The following SYN2 variants were observed in gnomAD, a reference collection of about 807,000 sequenced individuals.
SYN2 encodes synapsin II.
A neutral mutation model predicts 50.9 loss-of-function variants in SYN2; 19 were observed. The observed-to-expected ratio is 0.37, with a 90% CI of 0.26 to 0.55. The LOEUF (loss-of-function observed/expected upper bound fraction) is 0.55, where lower values mean the gene tolerates loss of function less well. Ranked by LOEUF, SYN2 falls within the 20% of genes least tolerant of loss-of-function variation. SYN2 has a pLI of 0.81. For synonymous variants in SYN2, 255 were observed against 224.9 expected (o/e 1.13, Z -1.20); for missense variants, 587 against 576.4 (o/e 1.02, Z -0.19).
At chr3:12,040,043 A>T (rs1278754778) in intron 1 of SYN2, among the ~76,000 whole-genome samples, 3 of 152,186 alleles carry the variant, frequency 2.0e-5, no homozygotes, top group Non-Finnish European at 2.9e-5. Flanking sequence ...AAAGTATAGA[A>T]TGATTAAAGT....
chr3:12,097,259 G>C (rs1022952481), intron 1 of SYN2, among the ~76,000 whole-genome samples: 8 of 152,232 alleles, frequency 5.3e-5, no homozygotes, highest in Admixed American at 4.6e-4. Flanking sequence ...GCAAAGACTT[G>C]GAACCTTGGA....
chr3:12,042,508 G>C (rs1366865382), intron 1 of SYN2, among the ~76,000 whole-genome samples: 1 of 152,136 alleles, frequency 6.6e-6, no homozygotes, highest in Non-Finnish European at 1.5e-5. Context: ...GGAGCTCAAT[G>C]GAAAGGTAAT....
chr3:12,063,529 C>T (rs776368131), intron 1 of SYN2, among the ~76,000 whole-genome samples: 5 of 151,856 alleles, frequency 3.3e-5, no homozygotes, highest in Non-Finnish European at 4.4e-5. Context: ...TTCTCACTGT[C>T]GGAGTGGAAG....
At chr3:12,159,478 T>G (rs1697579142) in intron 5 of SYN2, 1 of 152,208 alleles carries the variant, frequency 6.6e-6, no homozygotes, top group African/African-American at 2.4e-5. Context: ...AAAGTTGGGG[T>G]GTGTGTGTCT....
At chr3:12,055,898 G>C (rs1341551168) in intron 1 of SYN2, among the ~76,000 whole-genome samples, 2 of 152,186 alleles carry the variant, frequency 1.3e-5, no homozygotes, top group African/African-American at 4.8e-5. Flanking sequence ...TAATATCACA[G>C]AAAGGCAGAC....
intron 1 of SYN2, among the ~76,000 whole-genome samples, chr3:12,018,754 A>G (rs1177792489): frequency 6.6e-6 from 1 of 152,148 alleles, no homozygotes; most frequent in African/African-American, 2.4e-5. Context: ...TCTTCATGAG[A>G]TAATGTCTAT....
intron 1 of SYN2, among the ~76,000 whole-genome samples, chr3:12,137,645 A>G (rs998502828): frequency 2.6e-5 from 4 of 152,246 alleles, no homozygotes; most frequent in African/African-American, 9.6e-5. Context: ...AAAAAGGAAG[A>G]GGCCCATCAA....
chr3:12,013,012 G>A (rs1409206537), intron 1 of SYN2, among the ~76,000 whole-genome samples: 1 of 152,160 alleles, frequency 6.6e-6, no homozygotes, highest in Non-Finnish European at 1.5e-5. Flanking sequence ...GTTCTTGCTA[G>A]GGAACCTAAT....
intron 1 of SYN2, among the ~76,000 whole-genome samples, chr3:12,074,234 C>G (rs1052860956): frequency 2.0e-5 from 3 of 152,130 alleles, no homozygotes; most frequent in East Asian, 3.9e-4. Context: ...TTAGGTGTAT[C>G]TCTTGCAAAA....
intron 1 of SYN2, among the ~76,000 whole-genome samples, chr3:12,036,258 G>A (rs1014016993): frequency 6.6e-6 from 1 of 152,170 alleles, no homozygotes; most frequent in Non-Finnish European, 1.5e-5. Flanking sequence ...CCTAATTGTA[G>A]GGGAGGGGTG....
chr3:12,157,152 T>G (rs1401626337), intron 5 of SYN2, among the ~76,000 whole-genome samples: 1 of 152,202 alleles, frequency 6.6e-6, no homozygotes, highest in Non-Finnish European at 1.5e-5. Flanking sequence ...TAGGTACCTG[T>G]AGTGGCACCA....
chr3:12,065,091 T>G (rs1404614664), intron 1 of SYN2, among the ~76,000 whole-genome samples: 1 of 152,178 alleles, frequency 6.6e-6, no homozygotes, highest in Non-Finnish European at 1.5e-5. Context: ...GGAAACGTTA[T>G]GCTAAGTGAA....
At chr3:12,150,284 G>T (rs537169658) in intron 4 of SYN2, among the ~76,000 whole-genome samples, 1 of 152,340 alleles carries the variant, frequency 6.6e-6, no homozygotes, top group African/African-American at 2.4e-5. Flanking sequence ...GGGGATGGGA[G>T]TGTAGGTGTG....
At chr3:12,158,087 G>T (rs538903718) in intron 5 of SYN2, among the ~76,000 whole-genome samples, 1 of 152,088 alleles carries the variant, frequency 6.6e-6, no homozygotes, top group African/African-American at 2.4e-5. Context: ...GAGTGCACAC[G>T]TGTAAAGAAC....
rs184711249 is a variant in SYN2 at position 12,120,982 on chromosome 3, A to G, written c.378-19669A>G. Among the ~76,000 whole-genome samples, 3 of 152,314 alleles carry G rather than the reference A, an allele frequency of 2.0e-5. No homozygotes were observed. The East Asian group carries it at 5.8e-4, about 29-fold the overall frequency. ...CTCTGTTATAGTATCATAACTTTTTAGTCTCATCGGCCATCATTCCTTGCC... is the reference window on the plus strand; with the variant it reads ...CTCTGTTATAGTATCATAACTTTTTGGTCTCATCGGCCATCATTCCTTGCC... On this transcript the variant is annotated intron_variant, in intron 1 of 12. Transcript: ENST00000621198.
intron 1 of SYN2, among the ~76,000 whole-genome samples, chr3:12,087,342 A>G (rs974252147): frequency 5.3e-5 from 8 of 152,194 alleles, no homozygotes; most frequent in Admixed American, 5.2e-4. Context: ...GTCATTTTTC[A>G]TAGAAATAGC....
At position 12,034,202 on chromosome 3, in the gene SYN2, G is replaced by T. The variant is rs137907711; in HGVS notation, c.377+29274G>T. Among the ~76,000 whole-genome samples the T allele has an allele frequency of 7.1e-3, 1,073 of 152,184 alleles. 10 individuals are homozygous for T. The highest frequency in any genetic ancestry group is 0.024 in the African/African-American group (999 of 41,514). On this transcript the variant is annotated intron_variant, in intron 1 of 12. Coordinates refer to ENST00000621198, the MANE Select transcript of SYN2 (RefSeq NM_133625.6). ...CCTCAGTGACAGTAGTTATTGTCTG[G>T]TTTTTTTATGTTATTATTATAGTCA...
rs56296874 is a variant in SYN2 at position 12,157,553 on chromosome 3, C to T, written c.775-3993C>T. On this transcript the variant is annotated intron_variant, in intron 5 of 12. Transcript: ENST00000621198. ...CAATACACCTGAGGTCTGGATGATC[C>T]AGGGTCCATGAAGAAGTCTATAGGG... 141 of 1,482,396 alleles carry T rather than the reference C, an allele frequency of 9.5e-5. No individual in the cohort carries two copies. In the East Asian group the frequency reaches 3.2e-3, roughly 33 times the overall value. The allele number at this position is 1,482,396 out of a possible 1,614,324, so 91.8% of individuals were successfully genotyped here. A position where few individuals can be genotyped will look rare whatever the true frequency, so the allele number is the denominator to read the frequency against.
intron 1 of SYN2, among the ~76,000 whole-genome samples, chr3:12,047,246 G>A (rs1188298640): frequency 1.3e-5 from 2 of 152,112 alleles, no homozygotes; most frequent in African/African-American, 2.4e-5. Flanking sequence ...AGAGACACCT[G>A]ATCTATTATT....
Sources: allele counts gnomAD v4.1 joint callset (sites outside exome capture counted in the v4.1 genomes callset), GRCh38; gene constraint gnomAD v4.1.1; transcripts MANE v1.5; gene names NCBI Gene and HGNC (gene_info 2026-07-23, HGNC 2026-07-21).